Variants in TMEM207 observed in about 807,000 individuals in gnomAD.
TMEM207 encodes the protein transmembrane protein 207, also known as SRSR846.
TMEM207 carries 15 observed loss-of-function variants against 17.4 expected under a neutral mutation model. The observed-to-expected ratio is 0.86, with a 90% confidence interval of 0.58 to 1.33. The LOEUF is 1.33. Among genes scored for constraint, TMEM207 ranks in the 40% most tolerant of loss-of-function variants. TMEM207 has a pLI of 0.00. For synonymous variants in TMEM207, 70 were observed against 65.6 expected, an observed-to-expected ratio of 1.07 and a Z score of -0.33; for missense variants, 205 against 173.8, an observed-to-expected ratio of 1.18 and a Z score of -1.01.
intron 2 of TMEM207, among the ~76,000 whole-genome samples, chr3:190,445,419 C>A (rs1473458826): frequency 2.6e-5 from 4 of 152,172 alleles, no homozygotes; most frequent in Admixed American, 2.0e-4. Flanking sequence ...CACAGCAAAG[C>A]TTTGTTCATG....
chr3:190,438,804 A>AATTTGT (rs1719859632), intron 4 of TMEM207, among the ~76,000 whole-genome samples: 1 of 152,220 alleles, frequency 6.6e-6, no homozygotes, highest in African/African-American at 2.4e-5. Context: ...TAAAATATCA[A>AATTTGT]TAACCCTGTT....
intron 4 of TMEM207, among the ~76,000 whole-genome samples, chr3:190,438,088 G>T (rs1223171282): frequency 2.7e-5 from 3 of 110,074 alleles, no homozygotes; most frequent in African/African-American, 3.6e-5. Flanking sequence ...TCACACTTGG[G>T]ACTGTTGTGG....
At chr3:190,439,003 C>G (rs920070773) in intron 4 of TMEM207, among the ~76,000 whole-genome samples, 1 of 149,412 alleles carries the variant, frequency 6.7e-6, no homozygotes, top group Non-Finnish European at 1.5e-5. Flanking sequence ...CGGTGAAACC[C>G]CGTCTCTACT....
intron 4 of TMEM207, among the ~76,000 whole-genome samples, chr3:190,431,654 T>C (rs749842697): frequency 2.6e-5 from 4 of 152,122 alleles, no homozygotes; most frequent in Non-Finnish European, 5.9e-5. Context: ...GCTATTTTCT[T>C]GGTGAACTGC....
At chr3:190,435,697 A>T (rs1262003922) in intron 4 of TMEM207, among the ~76,000 whole-genome samples, 7 of 152,198 alleles carry the variant, frequency 4.6e-5, no homozygotes, top group Non-Finnish European at 2.9e-5. Flanking sequence ...TCCTATGAAG[A>T]GGAAGGAAGA....
chr3:190,435,087 T>C (rs966563962), intron 4 of TMEM207, among the ~76,000 whole-genome samples: 1 of 152,190 alleles, frequency 6.6e-6, no homozygotes, highest in Non-Finnish European at 1.5e-5. Context: ...TGACAGCCCC[T>C]CTTCTTCCTC....
At chr3:190,442,860 T>A (rs1184704241) in intron 2 of TMEM207, among the ~76,000 whole-genome samples, 1 of 152,218 alleles carries the variant, frequency 6.6e-6, no homozygotes, top group Non-Finnish European at 1.5e-5. Context: ...GAGACTTCAA[T>A]CTTACTTTGT....
At chr3:190,447,397 T>A (rs2108539905) in intron 2 of TMEM207, among the ~76,000 whole-genome samples, 1 of 152,220 alleles carries the variant, frequency 6.6e-6, no homozygotes, top group East Asian at 1.9e-4. Context: ...TTTTGGTCAG[T>A]TTGCTTGTAT....
intron 3 of TMEM207, among the ~76,000 whole-genome samples, chr3:190,440,996 G>A (rs150115613): frequency 0.059 from 8,962 of 152,214 alleles, 300 homozygotes; most frequent in Non-Finnish European, 0.067. Flanking sequence ...GGGAACCCGG[G>A]AGGCGGAGCT....
At chr3:190,448,086 G>A (rs530286305) in intron 1 of TMEM207, among the ~76,000 whole-genome samples, 47 of 152,088 alleles carry the variant, frequency 3.1e-4, no homozygotes, top group African/African-American at 1.1e-3. Flanking sequence ...TGGATTTTAC[G>A]ACAATTTTTG....
chr3:190,429,782 T>A, intron 4 of TMEM207, 51 bp from the exon 5 acceptor site: 3 of 1,529,632 alleles, frequency 2.0e-6, no homozygotes, highest in Non-Finnish European at 2.6e-6. Context: ...GCATAAAACA[T>A]AAGTACATGA....
At chr3:190,432,855 T>C (rs771753159) in intron 4 of TMEM207, among the ~76,000 whole-genome samples, 1 of 152,116 alleles carries the variant, frequency 6.6e-6, no homozygotes, top group Non-Finnish European at 1.5e-5. Flanking sequence ...GATTGTATAG[T>C]TGAAGGGCAG....
rs1244411533 is a variant in TMEM207, at chr3:190,429,601, T to C, written c.435A>G (p.Thr145=). Reference sequence around the variant, plus strand: ...TGATAATCCACACCTAAAATCAGGTTGTTTTTACAATTTCTTCATATGGAG... The same window carrying C: ...TGATAATCCACACCTAAAATCAGGTCGTTTTTACAATTTCTTCATATGGAG... ...SPPPYEEIVK[T]T is the part of the protein sequence containing the mutation. Residue 145 remains threonine, a synonymous_variant, in exon 5 of 5, where the codon ACA becomes ACG. Coordinates refer to ENST00000354905, the MANE Select transcript of TMEM207 (RefSeq NM_207316.3). 6.2e-7 allele frequency: 1 copy of C among 1,613,462 alleles called. No homozygotes were observed. Among genetic ancestry groups the C allele is most frequent in the East Asian group, 2.2e-5 (1 of 44,854 alleles).
At chr3:190,433,108 T>C (rs1719725114) in intron 4 of TMEM207, among the ~76,000 whole-genome samples, 1 of 152,198 alleles carries the variant, frequency 6.6e-6, no homozygotes, top group South Asian at 2.1e-4. Context: ...CAAACAATTG[T>C]GGGGGTCCCT....
intron 2 of TMEM207, chr3:190,444,315 A>G (rs1196075315): frequency 1.8e-6 from 1 of 570,070 alleles, no homozygotes; most frequent in African/African-American, 2.0e-5. Context: ...GCAAGTTAGC[A>G]TAGCTGGAAG....
intron 2 of TMEM207, among the ~76,000 whole-genome samples, chr3:190,446,480 G>A (rs1720053213): frequency 6.8e-6 from 1 of 147,692 alleles, no homozygotes. Flanking sequence ...TTTATTTTCT[G>A]CCAATTTACA....
intron 2 of TMEM207, among the ~76,000 whole-genome samples, chr3:190,444,058 T>C (rs1443898246): frequency 6.6e-6 from 1 of 152,222 alleles, no homozygotes; most frequent in Non-Finnish European, 1.5e-5. Context: ...GCTGAGAATC[T>C]GTGGACCTTA....
chr3:190,443,371 G>A (rs537059053), intron 2 of TMEM207, among the ~76,000 whole-genome samples: 92 of 150,436 alleles, frequency 6.1e-4, no homozygotes, highest in African/African-American at 2.2e-3. Context: ...TTTCTTCCTG[G>A]GCTAACAATT....
chr3:190,429,512 C>T lies in TMEM207; in HGVS notation c.*83G>A, dbSNP rs1285762639. ...TGAATAGATCTCTGGACATTTCCAA[C>T]AACTGAAATAACTATTCCTAAATTT... is the stretch of plus-strand genomic sequence containing the variant. On this transcript the variant is annotated 3_prime_UTR_variant, in exon 5 of 5. Coordinates refer to ENST00000354905, the MANE Select transcript of TMEM207 (RefSeq NM_207316.3). 1.3e-6 allele frequency: 2 copies of T among 1,546,416 alleles called. No homozygotes were observed. Among genetic ancestry groups the T allele is most frequent in the East Asian group, 2.3e-5 (1 of 44,272 alleles).
Sources: gnomAD v4.1 joint callset for allele counts (sites outside exome capture counted in the v4.1 genomes callset) on GRCh38, gnomAD v4.1.1 for gene constraint, MANE v1.5 for transcripts, NCBI Gene and HGNC (gene_info 2026-07-23, HGNC 2026-07-21) for gene names.